Variants in UGGT2 observed in about 807,000 individuals in gnomAD.
The protein encoded by UGGT2 is UDP-glucose glycoprotein glucosyltransferase 2.
Under a neutral mutation model 192.1 loss-of-function variants are expected in UGGT2, and 180 were observed. The observed-to-expected ratio is 0.94, with a 90% CI of 0.83 to 1.06. UGGT2 has a LOEUF of 1.06. Ranked by LOEUF, UGGT2 falls within the 50% of genes least tolerant of loss-of-function variation. UGGT2 has a pLI of 0.00. For missense variants in UGGT2, 1,849 were observed against 1,795.7 expected (o/e 1.03, Z -0.54); for synonymous variants, 580 against 591.0 (o/e 0.98, Z 0.27).
intron 5 of UGGT2, among the ~76,000 whole-genome samples, chr13:96,007,606 C>T (rs1355669038): frequency 1.3e-5 from 2 of 151,986 alleles, no homozygotes; most frequent in Non-Finnish European, 2.9e-5. Flanking sequence ...AGTAAAGTTG[C>T]AAGATATAAA....
chr13:96,020,081 T>A (rs2052470350), intron 4 of UGGT2, among the ~76,000 whole-genome samples: 1 of 152,172 alleles, frequency 6.6e-6, no homozygotes, highest in South Asian at 2.1e-4. Flanking sequence ...CCTGATACCA[T>A]GCTAGGGCCC....
At chr13:96,000,615 CAGTT>C (rs1388376988) in intron 5 of UGGT2, among the ~76,000 whole-genome samples, 2 of 152,136 alleles carry the variant, frequency 1.3e-5, no homozygotes, top group African/African-American at 4.8e-5. Flanking sequence ...AAAGACCAAT[CAGTT>C]GGTGGCTAAG....
chr13:95,816,132 C>T (rs898985563), intron 38 of UGGT2, among the ~76,000 whole-genome samples: 1 of 152,190 alleles, frequency 6.6e-6, no homozygotes. Context: ...CCAATTAAAC[C>T]TCTTTTCTTT....
chr13:96,015,902 C>T (rs1279915696), intron 4 of UGGT2, among the ~76,000 whole-genome samples: 2 of 152,114 alleles, frequency 1.3e-5, no homozygotes, highest in Non-Finnish European at 2.9e-5. Flanking sequence ...ATTACGGTAT[C>T]ACTCACTCAA....
rs140183377 is a variant in UGGT2, at chr13:95,894,795, C to G, written c.2760-138G>C. 3 of 629,898 alleles carry G rather than the reference C, an allele frequency of 4.8e-6. No individual in the cohort carries two copies. The Admixed American group carries it at 9.7e-5, about 20-fold the overall frequency. The allele number at this position is 629,898 out of a possible 1,614,324, so 39.0% of individuals were successfully genotyped here. ...AAAGTAGACTGCAAAGGGAGACCTA[C>G]GTATAATAGCATTTCTCTAAAACAG... is the stretch of plus-strand genomic sequence containing the variant. On this transcript the variant is annotated intron_variant, in intron 23 of 38. Transcript: ENST00000376747.
At chr13:95,989,762 T>C (rs941312570) in intron 8 of UGGT2, among the ~76,000 whole-genome samples, 9 of 152,108 alleles carry the variant, frequency 5.9e-5, no homozygotes, top group Non-Finnish European at 1.3e-4. Context: ...CCTCACTTCA[T>C]ATAATTTTAA....
At chr13:95,825,960 C>G (rs902398736) in intron 38 of UGGT2, among the ~76,000 whole-genome samples, 1 of 152,026 alleles carries the variant, frequency 6.6e-6, no homozygotes, top group South Asian at 2.1e-4. Context: ...GTCCAGCCAA[C>G]CTGTAGGGCC....
chr13:95,830,135 T>C (rs181614883), intron 38 of UGGT2, among the ~76,000 whole-genome samples: 1 of 152,288 alleles, frequency 6.6e-6, no homozygotes, highest in East Asian at 1.9e-4. Flanking sequence ...TAATTCAAGA[T>C]GGATTAAAGA....
chr13:95,820,791 A>G (rs960244344), intron 38 of UGGT2, among the ~76,000 whole-genome samples: 1 of 151,914 alleles, frequency 6.6e-6, no homozygotes, highest in Admixed American at 6.6e-5. Context: ...AAAGTCCATT[A>G]TATCACTGTA....
At chr13:96,027,478 A>G (rs2052703771) in intron 2 of UGGT2, among the ~76,000 whole-genome samples, 1 of 152,186 alleles carries the variant, frequency 6.6e-6, no homozygotes, top group Admixed American at 6.5e-5. Flanking sequence ...TGCCCCTTCA[A>G]TATTTTCTGC....
chr13:95,955,691 G>A (rs923889643), intron 12 of UGGT2, among the ~76,000 whole-genome samples: 1 of 152,122 alleles, frequency 6.6e-6, no homozygotes, highest in African/African-American at 2.4e-5. Context: ...TAGAGGGTTT[G>A]GTTAGAGGGT....
chr13:95,897,730 T>C (rs1157897759), intron 22 of UGGT2, among the ~76,000 whole-genome samples: 1 of 152,198 alleles, frequency 6.6e-6, no homozygotes, highest in Non-Finnish European at 1.5e-5. Context: ...ACAGACTTAT[T>C]TTCCAATATA....
chr13:95,899,937 T>G (rs2048054685), intron 22 of UGGT2, among the ~76,000 whole-genome samples: 1 of 152,048 alleles, frequency 6.6e-6, no homozygotes, highest in Non-Finnish European at 1.5e-5. Flanking sequence ...AAGAGTGCAT[T>G]AGAACTTTGA....
chr13:96,012,209 A>C (rs1414515015), intron 5 of UGGT2, among the ~76,000 whole-genome samples: 1 of 152,084 alleles, frequency 6.6e-6, no homozygotes, highest in Non-Finnish European at 1.5e-5. Context: ...ACTGTTCAAC[A>C]AAGTATGTGA....
intron 17 of UGGT2, among the ~76,000 whole-genome samples, chr13:95,930,276 C>A (rs759956887): frequency 6.6e-6 from 1 of 151,996 alleles, no homozygotes; most frequent in Non-Finnish European, 1.5e-5. Context: ...TTAATTAGGT[C>A]CCACTCGTCA....
At chr13:95,985,569 T>C (rs1238629044) in intron 9 of UGGT2, among the ~76,000 whole-genome samples, 2 of 152,136 alleles carry the variant, frequency 1.3e-5, no homozygotes, top group Non-Finnish European at 2.9e-5. Flanking sequence ...TGCTCTCCAA[T>C]TCCTCTCAGT....
intron 29 of UGGT2, among the ~76,000 whole-genome samples, chr13:95,872,040 T>C (rs1042959331): frequency 6.6e-6 from 1 of 152,130 alleles, no homozygotes; most frequent in African/African-American, 2.4e-5. Flanking sequence ...AGTGTTACTT[T>C]GGCAGAAAAG....
At chr13:95,822,678 G>A (rs1566546798) in intron 38 of UGGT2, among the ~76,000 whole-genome samples, 1 of 151,970 alleles carries the variant, frequency 6.6e-6, no homozygotes, top group African/African-American at 2.4e-5. Flanking sequence ...ATTTCGAATT[G>A]AGCTTATTTG....
intron 1 of UGGT2, among the ~76,000 whole-genome samples, chr13:96,041,267 G>A (rs1486536391): frequency 6.6e-6 from 1 of 152,164 alleles, no homozygotes; most frequent in African/African-American, 2.4e-5. Flanking sequence ...AGAAGATTCT[G>A]ACCTTACCTG....
Sources: gnomAD v4.1 joint callset for allele counts (sites outside exome capture counted in the v4.1 genomes callset) on GRCh38, gnomAD v4.1.1 for gene constraint, MANE v1.5 for transcripts, NCBI Gene and HGNC (gene_info 2026-07-23, HGNC 2026-07-21) for gene names.